The following DHX57 variants were observed in gnomAD, a reference collection of about 807,000 sequenced individuals.
DHX57 encodes putative ATP-dependent RNA helicase DHX57.
Under a neutral mutation model 156.2 loss-of-function variants are expected in DHX57, and 105 were observed. The observed-to-expected ratio is 0.67, with a 90% CI of 0.57 to 0.79. The LOEUF (loss-of-function observed/expected upper bound fraction) is 0.79. Ranked by LOEUF, DHX57 falls within the 30% of genes least tolerant of loss-of-function variation. The pLI is 0.00. For synonymous variants in DHX57, 704 were observed against 595.6 expected (o/e 1.18, Z -2.65); for missense variants, 1,847 against 1,661.9 (o/e 1.11, Z -1.94).
chr2:38,798,879 G>T (rs1669527191), intron 23 of DHX57, among the ~76,000 whole-genome samples: 1 of 152,122 alleles, frequency 6.6e-6, no homozygotes, highest in Non-Finnish European at 1.5e-5. Context: ...GGAGGTGGAG[G>T]TTGCAGTGAG....
chr2:38,799,277 A>G (rs1669550824), intron 23 of DHX57, among the ~76,000 whole-genome samples: 2 of 151,682 alleles, frequency 1.3e-5, no homozygotes, highest in South Asian at 2.1e-4. Flanking sequence ...AAGGCAGGAG[A>G]ATCGCTTGAA....
In DHX57 at chr2:38,861,807, C is replaced by T. The variant is rs747041632; in HGVS notation, c.603G>A (p.Ala201=). 3.1e-5 allele frequency: 50 copies of T among 1,610,968 alleles called. No individual in the cohort carries two copies. The highest frequency in any genetic ancestry group is 1.5e-4 in the Admixed American group (9 of 59,506). ...RYGFNTERCQ[A]VLRMCDGDVG... is the part of the protein sequence containing the mutation. Reference sequence around the variant, plus strand: ...CATCTCCATCACACATCCTCAGGACCGCTTGACAGCGTTCAGTATTGAAAC... The same window carrying T: ...CATCTCCATCACACATCCTCAGGACTGCTTGACAGCGTTCAGTATTGAAAC... The change falls in exon 5 of 24, where the codon GCG becomes GCA. Residue 201 remains alanine, a synonymous_variant. Coordinates refer to ENST00000457308, the MANE Select transcript of DHX57 (RefSeq NM_198963.3).
chr2:38,825,959 C>T lies in DHX57; in HGVS notation c.2902G>A (p.Val968Ile). 6.2e-7 allele frequency: 1 copy of T among 1,614,244 alleles called. No homozygotes were observed. Among genetic ancestry groups the T allele is most frequent in the Non-Finnish European group, 8.5e-7 (1 of 1,180,036 alleles). The stretch of plus-strand genomic sequence containing the variant: ...AAATGGAAGCAGACCCCAGATGCAA[C>T]ACGGCCTGCTCGGCCTTTCCTTTGT... ...ALQRKGRAGR[V>I]ASGVCFHLFT... Residue 968 changes from valine (V) to isoleucine (I), a missense_variant, in exon 16 of 24, where the codon GTT becomes ATT. Transcript: ENST00000457308.
At chr2:38,840,444 A>G (rs1320374744) in intron 12 of DHX57, among the ~76,000 whole-genome samples, 1 of 151,100 alleles carries the variant, frequency 6.6e-6, no homozygotes. Flanking sequence ...GCAGTGGTGC[A>G]ATCTGGGCTC....
intron 19 of DHX57, among the ~76,000 whole-genome samples, chr2:38,816,597 A>G (rs1670559137): frequency 6.6e-6 from 1 of 152,180 alleles, no homozygotes; most frequent in South Asian, 2.1e-4. Flanking sequence ...TCTTGTGGCT[A>G]CTGTTCTCAC....
intron 12 of DHX57, among the ~76,000 whole-genome samples, chr2:38,839,896 A>G (rs1671891296): frequency 6.6e-6 from 1 of 152,200 alleles, no homozygotes; most frequent in African/African-American, 2.4e-5. Context: ...CTTTTCAAAA[A>G]GAAGAAAGGA....
chr2:38,871,969 A>C (rs1343348928), intron 1 of DHX57, among the ~76,000 whole-genome samples: 1 of 152,058 alleles, frequency 6.6e-6, no homozygotes, highest in Non-Finnish European at 1.5e-5. Flanking sequence ...CGGCCTCCCA[A>C]AGTGCTGGGA....
At position 38,837,833 on chromosome 2, in the gene DHX57, G is replaced by A. The variant is rs771624089; in HGVS notation, c.2540C>T (p.Pro847Leu). Residue 847 changes from proline to leucine, a missense_variant and splice_region_variant, in exon 13 of 24, where the codon CCA becomes CTA. Physicochemically the swap from Pro to Leu is moderately conservative, Grantham distance 98 (BLOSUM62 -3). Transcript: ENST00000457308. ...WIVDGKHSYP[P>L]GAILVFLPGL... The stretch of plus-strand genomic sequence containing the variant: ...AGCCTTAATAAAGAAGCAGTTACCT[G>A]GAGGGTAGGAGTGCTTTCCATCCAC... 1.9e-6 allele frequency: 3 copies of A among 1,575,232 alleles called. No homozygotes were observed. Among genetic ancestry groups the A allele is most frequent in the Non-Finnish European group, 2.6e-6 (3 of 1,145,718 alleles).
At chr2:38,860,003 G>A (rs1469975785) in intron 5 of DHX57, among the ~76,000 whole-genome samples, 2 of 151,964 alleles carry the variant, frequency 1.3e-5, no homozygotes, top group African/African-American at 4.8e-5. Flanking sequence ...ATATTTTCTA[G>A]AGATGGGGTC....
chr2:38,858,086 G>C (rs1290925355), intron 6 of DHX57, among the ~76,000 whole-genome samples: 1 of 152,146 alleles, frequency 6.6e-6, no homozygotes, highest in Non-Finnish European at 1.5e-5. Flanking sequence ...TTTTGAGACA[G>C]AGTCTTGCTC....
At chr2:38,860,176 G>A (rs1673119204) in intron 5 of DHX57, among the ~76,000 whole-genome samples, 1 of 152,036 alleles carries the variant, frequency 6.6e-6, no homozygotes, top group Non-Finnish European at 1.5e-5. Context: ...CAGCCCATGT[G>A]CGATGGCTCA....
intron 23 of DHX57, among the ~76,000 whole-genome samples, chr2:38,798,706 G>A (rs1160618720): frequency 6.6e-6 from 1 of 152,154 alleles, no homozygotes; most frequent in Non-Finnish European, 1.5e-5. Flanking sequence ...AGCACTTTGG[G>A]AGGCCAAGGC....
intron 2 of DHX57, among the ~76,000 whole-genome samples, chr2:38,866,952 C>T (rs1458709814): frequency 6.6e-6 from 1 of 152,220 alleles, no homozygotes; most frequent in Non-Finnish European, 1.5e-5. Flanking sequence ...TTCACATTCA[C>T]TCACCACTTC....
chr2:38,819,242 A>G (rs1670697471), intron 17 of DHX57, 98 bp from the exon 18 acceptor site: 1 of 1,064,496 alleles, frequency 9.4e-7, no homozygotes, highest in Non-Finnish European at 1.4e-6. Context: ...TGGTGCGATC[A>G]TAGCCCACTG....
At chr2:38,845,407 T>G (rs1411958472) in intron 11 of DHX57, among the ~76,000 whole-genome samples, 1 of 152,174 alleles carries the variant, frequency 6.6e-6, no homozygotes, top group Admixed American at 6.5e-5. Context: ...CCACTGGTTT[T>G]GGGTTTTTAC....
chr2:38,826,448 CT>C, intron 15 of DHX57, 67 bp downstream of exon 15: 1 of 1,543,656 alleles, frequency 6.5e-7, no homozygotes. Context: ...GCATTAGCCA[CT>C]AACAACGGTG....
At chr2:38,807,214 C>A (rs1209244933) in intron 21 of DHX57, among the ~76,000 whole-genome samples, 1 of 151,880 alleles carries the variant, frequency 6.6e-6, no homozygotes, top group African/African-American at 2.4e-5. Flanking sequence ...GCCACCACAC[C>A]CAGCTAATTT....
intron 14 of DHX57, among the ~76,000 whole-genome samples, chr2:38,827,097 C>G (rs1236789005): frequency 6.6e-6 from 1 of 151,838 alleles, no homozygotes; most frequent in Non-Finnish European, 1.5e-5. Context: ...TGCCATTGCA[C>G]TTCAGCTTGG....
intron 1 of DHX57, among the ~76,000 whole-genome samples, chr2:38,875,185 A>T (rs1414516213): frequency 6.6e-6 from 1 of 152,196 alleles, no homozygotes; most frequent in Non-Finnish European, 1.5e-5. Context: ...AGGTTGTATA[A>T]TCCACGTGGT....
Sources: allele counts gnomAD v4.1 joint callset (sites outside exome capture counted in the v4.1 genomes callset), GRCh38; gene constraint gnomAD v4.1.1; transcripts MANE v1.5; gene names NCBI Gene and HGNC (gene_info 2026-07-23, HGNC 2026-07-21).